TWSG1: variants seen among roughly 807,000 people sequenced by gnomAD.
TWSG1 encodes twisted gastrulation BMP signaling modulator 1.
Under a neutral mutation model 23.0 loss-of-function variants are expected in TWSG1, and 15 were observed. That is an observed-to-expected ratio of 0.65 (90% CI 0.44 to 1.00). The LOEUF (loss-of-function observed/expected upper bound fraction) is 1.00. Ranked by LOEUF, TWSG1 falls within the 50% of genes least tolerant of loss-of-function variation. TWSG1 has a pLI of 0.00. For missense variants in TWSG1, 242 were observed against 278.7 expected, an observed-to-expected ratio of 0.87 and a Z score of 0.94; for synonymous variants, 86 against 92.8, an observed-to-expected ratio of 0.93 and a Z score of 0.42.
chr18:9,360,252 T>G (rs2040546340), intron 3 of TWSG1, among the ~76,000 whole-genome samples, 181 bp downstream of exon 3: 4 of 152,244 alleles, frequency 2.6e-5, no homozygotes, highest in Non-Finnish European at 5.9e-5. Context: ...TACCTATACA[T>G]GTATTTAAAA....
At chr18:9,376,979 G>A (rs1233708772) in intron 3 of TWSG1, among the ~76,000 whole-genome samples, 1 of 151,938 alleles carries the variant, frequency 6.6e-6, no homozygotes, top group African/African-American at 2.4e-5. Context: ...ACTGTATTAT[G>A]TATCATAAGT....
At chr18:9,367,535 C>T (rs1478910261) in intron 3 of TWSG1, among the ~76,000 whole-genome samples, 1 of 152,094 alleles carries the variant, frequency 6.6e-6, no homozygotes. Context: ...AGCCATGGAC[C>T]AGTAGCAGTC....
Position 9,393,991 on chromosome 18 carries a change from T to TATGGAGCA in TWSG1, c.224-2288_224-2281dup, listed in dbSNP as rs1174376839. ...TTAATACAGCCACTATGGAAAACAG[T>TATGGAGCA]ATGGAGCATCCTCAAAAAACCACAA... On this transcript the variant is annotated intron_variant, in intron 3 of 4. Transcript: ENST00000262120. 7.2e-5 allele frequency among the ~76,000 whole-genome samples: 11 copies of TATGGAGCA among 152,192 alleles called. No homozygotes were observed. The South Asian group carries it at 8.3e-4, about 11-fold the overall frequency.
Position 9,383,183 on chromosome 18 carries a change from G to GTTTTT in TWSG1, c.224-13091_224-13087dup, listed in dbSNP as rs1403740714. Among the ~76,000 whole-genome samples the GTTTTT allele has an allele frequency of 4.8e-3, 361 of 75,198 alleles. 22 individuals are homozygous for GTTTTT. The highest frequency in any genetic ancestry group is 0.018 in the African/African-American group (349 of 19,080). The allele number at this position is 75,198 out of a possible 152,430, so 49.3% of individuals were successfully genotyped here. On this transcript the variant is annotated intron_variant, in intron 3 of 4. Coordinates refer to ENST00000262120, the MANE Select transcript of TWSG1 (RefSeq NM_020648.6). ...TATGGTGGTGATATCCGAATTACAC[G>GTTTTT]TTTTTTTTTTGTTTTTTTTTTTTTT...
intron 3 of TWSG1, among the ~76,000 whole-genome samples, chr18:9,394,153 G>C (rs8099673): frequency 0.46 from 70,639 of 152,068 alleles, 17,672 homozygotes; most frequent in East Asian, 0.71. Flanking sequence ...AGTCAACCTA[G>C]ATGTCCAACA....
intron 2 of TWSG1, among the ~76,000 whole-genome samples, chr18:9,342,777 A>G (rs1316250634): frequency 1.3e-5 from 2 of 152,206 alleles, no homozygotes; most frequent in African/African-American, 2.4e-5. Context: ...TGTTTTTAAC[A>G]GTAACCCTTA....
intron 1 of TWSG1, among the ~76,000 whole-genome samples, chr18:9,335,936 G>A (rs981900682): frequency 6.6e-6 from 1 of 152,136 alleles, no homozygotes; most frequent in African/African-American, 2.4e-5. Context: ...ATAGGGAGGT[G>A]TTTTAACCTG....
intron 2 of TWSG1, among the ~76,000 whole-genome samples, chr18:9,348,611 G>A (rs2040487929): frequency 1.3e-5 from 2 of 152,200 alleles, no homozygotes; most frequent in Non-Finnish European, 2.9e-5. Context: ...CCACTTTCAT[G>A]TTCTGCGAAG....
At chr18:9,349,768 A>G (rs1158642288) in intron 2 of TWSG1, among the ~76,000 whole-genome samples, 1 of 152,180 alleles carries the variant, frequency 6.6e-6, no homozygotes, top group Admixed American at 6.6e-5. Context: ...ACAATGTAAA[A>G]TGTTTTCTCT....
intron 4 of TWSG1, among the ~76,000 whole-genome samples, chr18:9,397,403 A>G (rs2040742285): frequency 6.6e-6 from 1 of 152,256 alleles, no homozygotes; most frequent in Non-Finnish European, 1.5e-5. Context: ...GTTCTCTGCA[A>G]ATGGGTGCTG....
intron 2 of TWSG1, among the ~76,000 whole-genome samples, chr18:9,346,148 C>A (rs536245510): frequency 6.6e-6 from 1 of 152,250 alleles, no homozygotes; most frequent in African/African-American, 2.4e-5. Context: ...TCATCCCTCC[C>A]TACCTCCCCC....
intron 2 of TWSG1, among the ~76,000 whole-genome samples, chr18:9,342,252 A>G (rs1054187908): frequency 3.3e-5 from 5 of 152,204 alleles, no homozygotes; most frequent in Non-Finnish European, 7.3e-5. Flanking sequence ...CAATGCCTCA[A>G]TTTCCTCATC....
intron 2 of TWSG1, among the ~76,000 whole-genome samples, chr18:9,351,398 A>G (rs2040501267): frequency 6.6e-6 from 1 of 152,036 alleles, no homozygotes; most frequent in Non-Finnish European, 1.5e-5. Flanking sequence ...GGTATATACA[A>G]CTTTTGTGTT....
rs1350124358 is a variant in TWSG1 at position 9,399,405 on chromosome 18, T to C, written c.550T>C (p.Ser184Pro). ...CATGTCCATACATCAGTGTAAAATA[T>C]CCTGTGAGTCCATGGGAGCATCCAA... is the stretch of plus-strand genomic sequence containing the variant. ...DCMSIHQCKI[S>P]CESMGASKYR... Residue 184 changes from serine to proline, a missense_variant, in exon 5 of 5, where the codon TCC (serine) becomes CCC (proline). Coordinates refer to ENST00000262120, the MANE Select transcript of TWSG1 (RefSeq NM_020648.6). 1.2e-6 allele frequency: 2 copies of C among 1,613,956 alleles called. No individual in the cohort carries two copies. The highest frequency in any genetic ancestry group is 1.1e-5 in the South Asian group (1 of 91,078).
At chr18:9,380,956 C>T in intron 3 of TWSG1, among the ~76,000 whole-genome samples, 1 of 152,216 alleles carries the variant, frequency 6.6e-6, no homozygotes, top group East Asian at 1.9e-4. Context: ...CTAACATCAT[C>T]AGCCAAATTG....
chr18:9,339,415 G>A (rs1025247435), intron 2 of TWSG1, among the ~76,000 whole-genome samples: 16 of 151,992 alleles, frequency 1.1e-4, no homozygotes, highest in African/African-American at 3.6e-4. Flanking sequence ...GGTGTAGCTG[G>A]GACTACAGGC....
At chr18:9,345,610 T>G (rs2040473447) in intron 2 of TWSG1, among the ~76,000 whole-genome samples, 1 of 152,240 alleles carries the variant, frequency 6.6e-6, no homozygotes, top group Admixed American at 6.5e-5. Context: ...TCTATTGGTT[T>G]ATATCTCTAT....
At chr18:9,360,173 GTA>G (rs1448578802) in intron 3 of TWSG1, 102 bp downstream of exon 3, 1 of 835,324 alleles carries the variant, frequency 1.2e-6, no homozygotes, top group Non-Finnish European at 1.9e-6. Context: ...GCATAAACAA[GTA>G]TGTGTGTGAA....
At chr18:9,395,360 C>T (rs2040729827) in intron 3 of TWSG1, among the ~76,000 whole-genome samples, 1 of 152,170 alleles carries the variant, frequency 6.6e-6, no homozygotes, top group Non-Finnish European at 1.5e-5. Context: ...AAGAATACAT[C>T]AGTATATTCT....
Sources: gnomAD v4.1 joint callset for allele counts (sites outside exome capture counted in the v4.1 genomes callset) on GRCh38, gnomAD v4.1.1 for gene constraint, MANE v1.5 for transcripts, NCBI Gene and HGNC (gene_info 2026-07-23, HGNC 2026-07-21) for gene names.